The following MMP28 variants were observed in gnomAD, a reference collection of about 807,000 sequenced individuals.
MMP28 encodes the protein matrix metalloproteinase-28.
MMP28 carries 55 observed loss-of-function variants against 60.5 expected under a neutral mutation model. The observed-to-expected ratio is 0.91, with a 90% CI of 0.73 to 1.14. The LOEUF is 1.14. Among genes scored for constraint, MMP28 ranks in the 50% most tolerant of loss-of-function variants. The pLI is 0.00. For missense variants in MMP28, 686 were observed against 738.3 expected, an observed-to-expected ratio of 0.93 and a Z score of 0.82; for synonymous variants, 318 against 312.5, an observed-to-expected ratio of 1.02 and a Z score of -0.18.
At chr17:35,775,974 ACAC>A (rs2086314891) in intron 3 of MMP28, among the ~76,000 whole-genome samples, 1 of 151,852 alleles carries the variant, frequency 6.6e-6, no homozygotes, top group South Asian at 2.1e-4. Context: ...CCCCGGGTTC[ACAC>A]CATTCTCCTG....
chr17:35,779,208 C>T, intron 2 of MMP28, 36 bp downstream of exon 2: 3 of 1,588,230 alleles, frequency 1.9e-6, no homozygotes. Flanking sequence ...CATCCTAGCA[C>T]CCCTACCCCA....
intron 1 of MMP28, among the ~76,000 whole-genome samples, chr17:35,790,770 T>C: frequency 6.6e-6 from 1 of 152,122 alleles, no homozygotes; most frequent in East Asian, 1.9e-4. Context: ...GGCAGATCAT[T>C]TGAGGTCAGG....
Position 35,766,432 on chromosome 17 carries a change from T to G in MMP28, c.*68A>C. 6.8e-7 allele frequency: 1 copy of G among 1,465,258 alleles called. No homozygotes were observed. Among genetic ancestry groups the G allele is most frequent in the South Asian group, 1.4e-5 (1 of 73,510 alleles). 90.8% of individuals were successfully genotyped at this position (1,465,258 alleles called of 1,614,324 possible). ...ACTCAGAGGCTTCTAAGAGGGGTTC[T>G]GCCCCGGGGGTGGGGAACATGATTT... On this transcript the variant is annotated 3_prime_UTR_variant, in exon 8 of 8. Coordinates refer to ENST00000605424, the MANE Select transcript of MMP28 (RefSeq NM_024302.5). The surrounding 1 kb of genome is among the most constrained non-coding windows in gnomAD (Gnocchi z 4.3).
intron 1 of MMP28, among the ~76,000 whole-genome samples, chr17:35,789,763 T>TA (rs1359670475): frequency 1.7e-4 from 26 of 151,020 alleles, no homozygotes; most frequent in African/African-American, 6.1e-4. Context: ...TTGCAACATT[T>TA]AATTTTTTTT....
At position 35,773,235 on chromosome 17, in the gene MMP28, G is replaced by A; in HGVS notation, c.549C>T (p.Leu183=). The A allele has an allele frequency of 6.2e-7, 1 of 1,614,054 alleles. No homozygotes were observed. Among genetic ancestry groups the A allele is most frequent in the Non-Finnish European group, 8.5e-7 (1 of 1,179,902 alleles). Residue 183 remains leucine (L), a synonymous_variant, in exon 4 of 8, where the codon CTC becomes CTT. Transcript: ENST00000605424. ...CGTTGTGGTCCCCTTGGAAGAAGGT[G>A]AGCCGGATGTCAGCGGGGCCTGTGG... ...APATGPADIR[L]TFFQGDHNDG...
In MMP28 at chr17:35,766,320, C is replaced by T; in HGVS notation, c.*180G>A. 7.2e-7 allele frequency: 1 copy of T among 1,393,346 alleles called. No homozygotes were observed. The highest frequency in any genetic ancestry group is 1.4e-5 in the African/African-American group (1 of 69,308). The allele number at this position is 1,393,346 out of a possible 1,614,324, so 86.3% of individuals were successfully genotyped here. On this transcript the variant is annotated 3_prime_UTR_variant, in exon 8 of 8. Coordinates refer to ENST00000605424, the MANE Select transcript of MMP28 (RefSeq NM_024302.5). The surrounding 1 kb of genome is among the most constrained non-coding windows in gnomAD (Gnocchi z 4.3). ...CACCCCCACCTCCATGTGGTGGGGACAGACAAAGACAATGCTGCATTCTTC... is the reference window on the plus strand; with the variant it reads ...CACCCCCACCTCCATGTGGTGGGGATAGACAAAGACAATGCTGCATTCTTC...
At position 35,781,786 on chromosome 17, in the gene MMP28, C is replaced by T. The variant is rs141634158; in HGVS notation, c.112-2463G>A. On this transcript the variant is annotated intron_variant, in intron 1 of 7. Coordinates refer to ENST00000605424, the MANE Select transcript of MMP28 (RefSeq NM_024302.5). ...ACCCCTCCTTGTTGTGTTACCTATA[C>T]AGAAATAATTTTCTGTCTTCTTCTC... 1.2e-4 allele frequency among the ~76,000 whole-genome samples: 18 copies of T among 152,298 alleles called. No homozygotes were observed. The East Asian group carries it at 3.5e-3, about 29-fold the overall frequency.
intron 1 of MMP28, among the ~76,000 whole-genome samples, chr17:35,780,908 CTG>C (rs2086479865): frequency 6.6e-6 from 1 of 151,674 alleles, no homozygotes; most frequent in African/African-American, 2.4e-5. Context: ...AGTGATATGA[CTG>C]AGAATAATTT....
chr17:35,790,135 C>T (rs1473109525), intron 1 of MMP28, among the ~76,000 whole-genome samples: 2 of 140,630 alleles, frequency 1.4e-5, no homozygotes, highest in Admixed American at 7.8e-5. Flanking sequence ...TGCGTGATCT[C>T]GGCTCACTGC....
chr17:35,793,622 G>A (rs2086879016), intron 1 of MMP28, among the ~76,000 whole-genome samples: 1 of 152,152 alleles, frequency 6.6e-6, no homozygotes, highest in Admixed American at 6.5e-5. Context: ...GTGATGGAAG[G>A]ATGAGGCATT....
chr17:35,780,071 T>C (rs539043662), intron 1 of MMP28, among the ~76,000 whole-genome samples: 1 of 152,252 alleles, frequency 6.6e-6, no homozygotes, highest in South Asian at 2.1e-4. Flanking sequence ...TTATTTATTT[T>C]ATTTATTTTT....
chr17:35,768,170 G>A (rs2086003436), intron 6 of MMP28, 60 bp downstream of exon 6: 21 of 1,530,342 alleles, frequency 1.4e-5, no homozygotes, highest in Non-Finnish European at 1.7e-5. Context: ...CTGCAGCTCT[G>A]GAGACACTAA....
intron 3 of MMP28, 194 bp downstream of exon 3, chr17:35,778,694 G>A: frequency 1.6e-6 from 2 of 1,263,244 alleles, no homozygotes; most frequent in South Asian, 3.1e-5. Context: ...CATCAATGTA[G>A]GTGTCATTCT....
At chr17:35,760,573 T>C (rs1033354206) in intron 2 of MMP28, among the ~76,000 whole-genome samples, 5 of 152,218 alleles carry the variant, frequency 3.3e-5, no homozygotes, top group African/African-American at 1.2e-4. Flanking sequence ...GGTACTGTAT[T>C]ACTATCTCTG....
At chr17:35,769,073 T>C (rs112659499) in intron 5 of MMP28, among the ~76,000 whole-genome samples, 1,636 of 152,274 alleles carry the variant, frequency 0.011, 25 homozygotes, top group African/African-American at 0.037. Flanking sequence ...CCTTCACTTA[T>C]GAGAGGAGGG....
At chr17:35,771,603 G>A (rs1414290140) in intron 4 of MMP28, among the ~76,000 whole-genome samples, 1 of 146,166 alleles carries the variant, frequency 6.8e-6, no homozygotes, top group Non-Finnish European at 1.5e-5. Flanking sequence ...ACTTCTATAT[G>A]TATGTGTATT....
intron 3 of MMP28, among the ~76,000 whole-genome samples, chr17:35,774,866 C>T (rs935246454): frequency 6.6e-6 from 1 of 152,222 alleles, no homozygotes; most frequent in Non-Finnish European, 1.5e-5. Context: ...ATGTACCAGT[C>T]ATGCTTCTGC....
chr17:35,760,267 T>C (rs2085793551), intron 2 of MMP28, among the ~76,000 whole-genome samples: 1 of 151,970 alleles, frequency 6.6e-6, no homozygotes, highest in Non-Finnish European at 1.5e-5. Context: ...CCACTTCGAG[T>C]CCAGGAAAGG....
At chr17:35,765,764 A>G, downstream of MMP28, 1 of 810,998 alleles carries the variant, frequency 1.2e-6, no homozygotes, top group African/African-American at 1.9e-5. Flanking sequence ...ACAGCTGCCT[A>G]GCCCTGGCTT....
Sources: gnomAD v4.1 joint callset for allele counts (sites outside exome capture counted in the v4.1 genomes callset) on GRCh38, gnomAD v4.1.1 for gene constraint, Gnocchi (gnomAD v3.1) non-coding constraint, MANE v1.5 for transcripts, NCBI Gene and HGNC (gene_info 2026-07-23, HGNC 2026-07-21) for gene names.